The following HHAT variants were observed in gnomAD, a reference collection of about 807,000 sequenced individuals.
HHAT encodes hedgehog acyltransferase, also known as protein-cysteine N-palmitoyltransferase HHAT.
Under a neutral mutation model 70.8 loss-of-function variants are expected in HHAT, and 47 were observed. That is an observed-to-expected ratio of 0.66 (90% CI 0.53 to 0.85). The LOEUF is 0.85. HHAT is among the 40% of genes least tolerant of loss of function. The pLI is 0.00. For missense variants in HHAT, 609 were observed against 604.8 expected, an observed-to-expected ratio of 1.01 and a Z score of -0.07; for synonymous variants, 228 against 247.6, an observed-to-expected ratio of 0.92 and a Z score of 0.74.
At chr1:210,643,685 C>T (rs1011445070) in intron 11 of HHAT, among the ~76,000 whole-genome samples, 2 of 151,406 alleles carry the variant, frequency 1.3e-5, no homozygotes, top group African/African-American at 2.4e-5. Context: ...GTGGCATTTG[C>T]GTTGTCTTTC....
At chr1:210,512,481 C>T (rs1426394956) in intron 8 of HHAT, among the ~76,000 whole-genome samples, 2 of 151,454 alleles carry the variant, frequency 1.3e-5, no homozygotes, top group Non-Finnish European at 2.9e-5. Flanking sequence ...TTGAGACAAC[C>T]CTGGGTAATA....
chr1:210,597,246 C>A (rs1467012714), intron 10 of HHAT, among the ~76,000 whole-genome samples: 1 of 152,200 alleles, frequency 6.6e-6, no homozygotes, highest in Non-Finnish European at 1.5e-5. Context: ...CTCCTGTGGG[C>A]CACCACTACT....
chr1:210,523,810 AT>A (rs140271318), intron 9 of HHAT, among the ~76,000 whole-genome samples: 17,028 of 152,262 alleles, frequency 0.11, 1,230 homozygotes, highest in South Asian at 0.18. Flanking sequence ...TAACCCATTT[AT>A]TTTTATACCA....
At chr1:210,452,381 C>G (rs2093773286) in intron 7 of HHAT, among the ~76,000 whole-genome samples, 1 of 152,124 alleles carries the variant, frequency 6.6e-6, no homozygotes, top group Non-Finnish European at 1.5e-5. Context: ...CAGTGCCTCC[C>G]CTTTTAGAAT....
At chr1:210,425,662 C>T (rs973191364) in intron 7 of HHAT, among the ~76,000 whole-genome samples, 13 of 151,998 alleles carry the variant, frequency 8.6e-5, no homozygotes, top group African/African-American at 2.9e-4. Flanking sequence ...CATGTGTGGC[C>T]TTATTTCTGG....
intron 10 of HHAT, 94 bp from the exon 11 acceptor site, chr1:210,623,432 C>T (rs993076223): frequency 1.4e-4 from 194 of 1,389,488 alleles, no homozygotes; most frequent in South Asian, 1.8e-4. Context: ...TGTGGGGAGG[C>T]GTCCTGGGCT....
intron 7 of HHAT, among the ~76,000 whole-genome samples, chr1:210,447,794 A>G (rs2093664745): frequency 6.6e-6 from 1 of 152,172 alleles, no homozygotes; most frequent in Non-Finnish European, 1.5e-5. Context: ...GACTTAGAGA[A>G]GATACGAGGC....
intron 11 of HHAT, among the ~76,000 whole-genome samples, chr1:210,658,489 AAAAC>A (rs1374932174): frequency 6.6e-6 from 1 of 152,194 alleles, no homozygotes; most frequent in Non-Finnish European, 1.5e-5. Context: ...GTTGGATTAA[AAAAC>A]AAAATCTGAG....
chr1:210,595,749 C>T (rs1378814232), intron 10 of HHAT, among the ~76,000 whole-genome samples: 1 of 152,124 alleles, frequency 6.6e-6, no homozygotes, highest in Non-Finnish European at 1.5e-5. Flanking sequence ...TGTCTTTTGG[C>T]TGCATAAATG....
chr1:210,516,309 C>T (rs570475265), intron 9 of HHAT, among the ~76,000 whole-genome samples: 19 of 151,870 alleles, frequency 1.3e-4, no homozygotes, highest in African/African-American at 3.9e-4. Context: ...GTGGAGAGGG[C>T]GGGTGGAGTG....
At chr1:210,666,388 C>T (rs573766777) in intron 11 of HHAT, among the ~76,000 whole-genome samples, 1 of 152,302 alleles carries the variant, frequency 6.6e-6, no homozygotes, top group Admixed American at 6.5e-5. Context: ...GGGAAGAAGG[C>T]GTGATTAGGG....
intron 8 of HHAT, among the ~76,000 whole-genome samples, chr1:210,508,363 T>C (rs1270560442): frequency 6.6e-6 from 1 of 152,164 alleles, no homozygotes; most frequent in African/African-American, 2.4e-5. Context: ...AGACCTCTGG[T>C]TGGGTAGACC....
rs115280401 is a variant in HHAT at position 210,406,594 on chromosome 1, A to G, written c.684+1915A>G. On this transcript the variant is annotated intron_variant, in intron 6 of 11. Transcript: ENST00000261458. ...TTTTTAGTAGAGACCGGGTTTTGCTATGTTTCCCAGGCTTGTCTCTAACTC... is the reference window on the plus strand; with the variant it reads ...TTTTTAGTAGAGACCGGGTTTTGCTGTGTTTCCCAGGCTTGTCTCTAACTC... Among the ~76,000 whole-genome samples, 1,392 of 152,074 alleles carry G rather than the reference A, an allele frequency of 9.2e-3. 27 individuals are homozygous for G. Among genetic ancestry groups the G allele is most frequent in the African/African-American group, 0.032 (1,323 of 41,484 alleles).
intron 4 of HHAT, among the ~76,000 whole-genome samples, chr1:210,393,900 A>G (rs1001224085): frequency 2.6e-5 from 4 of 152,164 alleles, no homozygotes; most frequent in Non-Finnish European, 4.4e-5. Flanking sequence ...TATGAACCAC[A>G]GCGTTGGCCT....
chr1:210,670,451 G>T (rs1026107425), intron 11 of HHAT, among the ~76,000 whole-genome samples: 2 of 152,218 alleles, frequency 1.3e-5, no homozygotes, highest in Non-Finnish European at 2.9e-5. Flanking sequence ...TTGCCTGTGT[G>T]TCTGAGCCAC....
chr1:210,374,098 G>A (rs753470650), intron 3 of HHAT: 28 of 151,678 alleles, frequency 1.8e-4, no homozygotes, highest in African/African-American at 4.1e-4. Flanking sequence ...AATCACTTAA[G>A]CCTAAAGTTG....
intron 9 of HHAT, among the ~76,000 whole-genome samples, chr1:210,584,080 C>T (rs1659881571): frequency 6.7e-6 from 1 of 148,714 alleles, no homozygotes; most frequent in Non-Finnish European, 1.5e-5. Flanking sequence ...GTAGCTGAGA[C>T]TACAGGTGTG....
chr1:210,582,770 A>T (rs1283775566), intron 9 of HHAT, among the ~76,000 whole-genome samples: 1 of 152,220 alleles, frequency 6.6e-6, no homozygotes, highest in East Asian at 1.9e-4. Context: ...AGCAGGTGTT[A>T]TCTCTGCTTG....
intron 7 of HHAT, among the ~76,000 whole-genome samples, chr1:210,448,568 C>T (rs936498289): frequency 4.2e-4 from 64 of 152,204 alleles, no homozygotes; most frequent in South Asian, 1.5e-3. Flanking sequence ...GGGCAATTTA[C>T]GAAGTATTGA....
Sources: gnomAD v4.1 joint callset for allele counts (sites outside exome capture counted in the v4.1 genomes callset) on GRCh38, gnomAD v4.1.1 for gene constraint, MANE v1.5 for transcripts, NCBI Gene and HGNC (gene_info 2026-07-23, HGNC 2026-07-21) for gene names.